WWC1: variants seen among roughly 807,000 people sequenced by gnomAD.
The protein encoded by WWC1 is protein KIBRA.
In WWC1, 55 loss-of-function variants were observed where a neutral mutation model predicts 138.4. That is an observed-to-expected ratio of 0.40 (90% CI 0.32 to 0.50). WWC1 has a LOEUF of 0.50. Ranked by LOEUF, WWC1 falls within the 20% of genes least tolerant of loss-of-function variation. The probability of loss-of-function intolerance (pLI) is 0.72; values close to 1 mark genes in which losing one functional copy is unlikely to be tolerated. For missense variants in WWC1, 1,226 were observed against 1,420.4 expected (o/e 0.86, Z 2.20); for synonymous variants, 524 against 564.9 (o/e 0.93, Z 1.03).
intron 15 of WWC1, 25 bp downstream of exon 15, chr5:168,431,469 GC>G: frequency 7.4e-7 from 1 of 1,358,440 alleles, no homozygotes; most frequent in East Asian, 2.8e-5. Flanking sequence ...TGGCTGGCTG[GC>G]TGGCTGGCTG....
chr5:168,359,312 C>A (rs1207196157), intron 1 of WWC1, among the ~76,000 whole-genome samples: 1 of 152,158 alleles, frequency 6.6e-6, no homozygotes, highest in African/African-American at 2.4e-5. Context: ...CCTCAACGTC[C>A]CCAAGTGCTG....
chr5:168,465,193 A>G (rs1000776216), intron 21 of WWC1, among the ~76,000 whole-genome samples: 1 of 152,218 alleles, frequency 6.6e-6, no homozygotes, highest in Non-Finnish European at 1.5e-5. Context: ...CATTTACTGC[A>G]TTTGTTGTTG....
intron 1 of WWC1, among the ~76,000 whole-genome samples, chr5:168,353,270 C>G (rs1180098834): frequency 1.3e-5 from 2 of 152,196 alleles, no homozygotes; most frequent in Non-Finnish European, 2.9e-5. Flanking sequence ...CCCCCTACTC[C>G]CTAGGCTTTC....
rs749135772 is a variant in WWC1, at chr5:168,444,550, G to A, written c.2490G>A (p.Glu830=). The A allele has an allele frequency of 1.2e-6, 2 of 1,610,612 alleles. No individual in the cohort carries two copies. Among genetic ancestry groups the A allele is most frequent in the Non-Finnish European group, 1.7e-6 (2 of 1,178,688 alleles). The change falls in exon 17 of 23, where the codon GAG becomes GAA. Residue 830 remains glutamate, a synonymous_variant. Transcript: ENST00000265293. ...QTAVELEKRQ[E]GRSSTQTLED... ...CAGTGGAGCTGGAGAAGAGGCAGGAGGGCAGGAGCAGCACACAGACACTGG... is the reference window on the plus strand; with the variant it reads ...CAGTGGAGCTGGAGAAGAGGCAGGAAGGCAGGAGCAGCACACAGACACTGG...
chr5:168,303,000 C>A (rs1770232566), intron 1 of WWC1, among the ~76,000 whole-genome samples: 2 of 152,154 alleles, frequency 1.3e-5, no homozygotes, highest in South Asian at 4.1e-4. Flanking sequence ...TGCAGGTCCC[C>A]AGATGATGAT....
chr5:168,454,808 A>G (rs1429457018), intron 18 of WWC1, among the ~76,000 whole-genome samples: 2 of 152,218 alleles, frequency 1.3e-5, no homozygotes, highest in Admixed American at 6.5e-5. Context: ...TAAAGGTACT[A>G]TTTAGGCTGA....
Position 168,445,247 on chromosome 5 carries a change from G to A in WWC1, c.2525+662G>A, listed in dbSNP as rs553636612. 3.9e-5 allele frequency among the ~76,000 whole-genome samples: 6 copies of A among 152,186 alleles called. No homozygotes were observed. In the South Asian group the frequency reaches 6.2e-4, roughly 16 times the overall value. ...GAAAATCACTTGAACCCAGGATGGG[G>A]AGGTTGCAGTGAGCCGAGATTGCAC... is the stretch of plus-strand genomic sequence containing the variant. On this transcript the variant is annotated intron_variant, in intron 17 of 22. Coordinates refer to ENST00000265293, the MANE Select transcript of WWC1 (RefSeq NM_015238.3).
At chr5:168,364,625 C>T (rs1776146039) in intron 1 of WWC1, among the ~76,000 whole-genome samples, 1 of 152,188 alleles carries the variant, frequency 6.6e-6, no homozygotes, top group African/African-American at 2.4e-5. Context: ...GTGCCATACT[C>T]ACTTGATAAA....
intron 1 of WWC1, among the ~76,000 whole-genome samples, chr5:168,367,263 T>C (rs999792556): frequency 1.3e-5 from 2 of 152,166 alleles, no homozygotes; most frequent in Non-Finnish European, 2.9e-5. Context: ...ACCTTCTGTA[T>C]CTCTAGCACA....
intron 13 of WWC1, 29 bp downstream of exon 13, chr5:168,428,816 G>A (rs778657959): frequency 3.0e-5 from 48 of 1,611,838 alleles, no homozygotes; most frequent in East Asian, 8.9e-5. Flanking sequence ...GAGGACAGAA[G>A]GAACGGTCTG....
intron 2 of WWC1, among the ~76,000 whole-genome samples, chr5:168,381,260 G>T (rs867443837): frequency 2.0e-5 from 3 of 152,298 alleles, no homozygotes; most frequent in South Asian, 4.1e-4. Flanking sequence ...TACCTTTATA[G>T]TTTTACAGAG....
intron 5 of WWC1, among the ~76,000 whole-genome samples, chr5:168,401,198 T>C (rs945415436): frequency 6.6e-6 from 1 of 152,156 alleles, no homozygotes; most frequent in African/African-American, 2.4e-5. Flanking sequence ...AACTACAGCA[T>C]GTAACAGACT....
At chr5:168,374,790 A>T (rs1051935238) in intron 2 of WWC1, among the ~76,000 whole-genome samples, 1 of 152,216 alleles carries the variant, frequency 6.6e-6, no homozygotes, top group African/African-American at 2.4e-5. Flanking sequence ...TGTGAGCGAC[A>T]AATGCCACAG....
At chr5:168,341,178 A>C (rs1344122537) in intron 1 of WWC1, among the ~76,000 whole-genome samples, 1 of 152,162 alleles carries the variant, frequency 6.6e-6, no homozygotes, top group Non-Finnish European at 1.5e-5. Flanking sequence ...GAGAGTTGCA[A>C]GGTTCTGGCA....
At chr5:168,299,853 C>A (rs1200902753) in intron 1 of WWC1, among the ~76,000 whole-genome samples, 3 of 152,182 alleles carry the variant, frequency 2.0e-5, no homozygotes, top group Non-Finnish European at 2.9e-5. Flanking sequence ...GGAATGCCGA[C>A]CTAATGTCAG....
chr5:168,440,929 C>G (rs977791079), intron 15 of WWC1, among the ~76,000 whole-genome samples: 1 of 152,096 alleles, frequency 6.6e-6, no homozygotes, highest in African/African-American at 2.4e-5. Flanking sequence ...GCTGGATAAG[C>G]AAAATGTAGC....
rs184222539 is a variant in WWC1, at chr5:168,450,793, A to G, written c.2526-3175A>G. ...TTGAGGTAGGCAAAGATTTCTTAGG[A>G]CATAAAAAGTACAAACTATAAAAGA... is the stretch of plus-strand genomic sequence containing the variant. On this transcript the variant is annotated intron_variant, in intron 17 of 22. Coordinates refer to ENST00000265293, the MANE Select transcript of WWC1 (RefSeq NM_015238.3). Among the ~76,000 whole-genome samples the G allele has an allele frequency of 7.9e-5, 12 of 152,344 alleles. No homozygotes were observed. In the East Asian group the frequency reaches 2.3e-3, roughly 29 times the overall value.
chr5:168,458,756 C>T (rs1756550002), intron 19 of WWC1, among the ~76,000 whole-genome samples: 1 of 152,204 alleles, frequency 6.6e-6, no homozygotes, highest in South Asian at 2.1e-4. Flanking sequence ...ACAACATTCT[C>T]TACCATGTCT....
intron 1 of WWC1, among the ~76,000 whole-genome samples, chr5:168,352,904 T>C (rs1775095768): frequency 2.0e-5 from 3 of 152,144 alleles, no homozygotes; most frequent in South Asian, 2.1e-4. Context: ...TTTTCAATTA[T>C]ACAAAATAGT....
Sources: allele counts gnomAD v4.1 joint callset (sites outside exome capture counted in the v4.1 genomes callset), GRCh38; gene constraint gnomAD v4.1.1; transcripts MANE v1.5; gene names NCBI Gene and HGNC (gene_info 2026-07-23, HGNC 2026-07-21).